The following ARHGAP24 variants were observed in gnomAD, a reference collection of about 807,000 sequenced individuals.
ARHGAP24 encodes the protein rho GTPase-activating protein 24.
In ARHGAP24, 50 loss-of-function variants were observed where a neutral mutation model predicts 76.4. The ratio of observed to expected loss-of-function variants is 0.65; its 90% CI spans 0.52 to 0.83. ARHGAP24 has a LOEUF of 0.83. ARHGAP24 is among the 40% of genes least tolerant of loss of function. The pLI, the probability that ARHGAP24 is intolerant of heterozygous loss-of-function variation, is 0.00. For missense variants in ARHGAP24, 930 were observed against 914.2 expected (o/e 1.02, Z -0.22); for synonymous variants, 345 against 323.3 (o/e 1.07, Z -0.72).
intron 1 of ARHGAP24, among the ~76,000 whole-genome samples, chr4:85,564,029 G>A (rs1269786399): frequency 6.6e-6 from 1 of 152,056 alleles, no homozygotes; most frequent in Non-Finnish European, 1.5e-5. Flanking sequence ...TTTAATAATA[G>A]CACAATCAGG....
intron 1 of ARHGAP24, among the ~76,000 whole-genome samples, chr4:85,495,001 G>T (rs1330407651): frequency 6.6e-6 from 1 of 150,474 alleles, no homozygotes; most frequent in Non-Finnish European, 1.5e-5. Context: ...GAGAGGCTGA[G>T]GTAGAATGGC....
At chr4:85,779,783 T>C (rs996014073) in intron 3 of ARHGAP24, among the ~76,000 whole-genome samples, 1 of 152,080 alleles carries the variant, frequency 6.6e-6, no homozygotes, top group Admixed American at 6.6e-5. Context: ...ACCCTAGCAT[T>C]CCAGGTGTCA....
intron 3 of ARHGAP24, among the ~76,000 whole-genome samples, chr4:85,737,533 T>G (rs545660978): frequency 1.3e-5 from 2 of 152,320 alleles, no homozygotes; most frequent in Non-Finnish European, 2.9e-5. Flanking sequence ...TGGCTCAGTA[T>G]GTTAATCGTG....
intron 1 of ARHGAP24, among the ~76,000 whole-genome samples, chr4:85,496,506 T>G (rs958495020): frequency 5.9e-5 from 9 of 152,234 alleles, no homozygotes; most frequent in Admixed American, 4.6e-4. Context: ...CTCTGACTTT[T>G]GAGAAGATTT....
intron 3 of ARHGAP24, among the ~76,000 whole-genome samples, chr4:85,786,847 C>T (rs1727867598): frequency 6.6e-6 from 1 of 152,176 alleles, no homozygotes; most frequent in South Asian, 2.1e-4. Flanking sequence ...GTTTTTCAGC[C>T]CAGAGAAGTT....
intron 1 of ARHGAP24, among the ~76,000 whole-genome samples, chr4:85,504,643 A>G (rs544019609): frequency 9.8e-5 from 15 of 152,308 alleles, no homozygotes; most frequent in East Asian, 9.7e-4. Context: ...TCCTGAATAC[A>G]GCACACTGAT....
In ARHGAP24 at chr4:85,531,175, C is replaced by T. The variant is rs183092111; in HGVS notation, c.-20-39347C>T. Among the ~76,000 whole-genome samples, 319 of 152,020 alleles carry T rather than the reference C, an allele frequency of 2.1e-3. 1 individual carries two copies. The highest frequency in any genetic ancestry group is 3.7e-3 in the Non-Finnish European group (254 of 67,892). On this transcript the variant is annotated intron_variant, in intron 1 of 9. Coordinates refer to ENST00000395184, the MANE Select transcript of ARHGAP24 (RefSeq NM_001025616.3). ...CCTGATCTACAGGGTCATGAATATACGACCAAGAGAGAAAATAAAAATGAA... is the reference window on the plus strand; with the variant it reads ...CCTGATCTACAGGGTCATGAATATATGACCAAGAGAGAAAATAAAAATGAA...
In ARHGAP24 at chr4:85,805,197, C is replaced by T. The variant is rs536383487; in HGVS notation, c.268+83225C>T. ...AACTGTGCTAGAATGCCTTCATTACCGATTATTCCTTTCAATATTGATGAC... is the reference window on the plus strand; with the variant it reads ...AACTGTGCTAGAATGCCTTCATTACTGATTATTCCTTTCAATATTGATGAC... On this transcript the variant is annotated intron_variant, in intron 3 of 9. Coordinates refer to ENST00000395184, the MANE Select transcript of ARHGAP24 (RefSeq NM_001025616.3). Among the ~76,000 whole-genome samples the T allele has an allele frequency of 3.3e-5, 5 of 152,184 alleles. No individual in the cohort carries two copies. In the South Asian group the frequency reaches 6.2e-4, roughly 19 times the overall value.
intron 3 of ARHGAP24, among the ~76,000 whole-genome samples, chr4:85,917,228 C>A (rs1181093214): frequency 1.3e-5 from 2 of 152,080 alleles, no homozygotes; most frequent in African/African-American, 2.4e-5. Context: ...CATGTCCCTA[C>A]AAAGGACATG....
At chr4:85,777,246 T>G (rs1727341470) in intron 3 of ARHGAP24, among the ~76,000 whole-genome samples, 1 of 152,214 alleles carries the variant, frequency 6.6e-6, no homozygotes, top group African/African-American at 2.4e-5. Flanking sequence ...TTATAATTAT[T>G]TGGTCATAAG....
chr4:85,581,861 G>A (rs1235519074), intron 2 of ARHGAP24, among the ~76,000 whole-genome samples: 1 of 151,874 alleles, frequency 6.6e-6, no homozygotes, highest in Non-Finnish European at 1.5e-5. Context: ...TAAGCCAAAG[G>A]TACTTTTGGG....
rs372760866 is a variant in ARHGAP24, at chr4:86,001,306, A to T, written c.*584A>T. ...AAATAGTTTTATAAAATACAGTCGA[A>T]TCACCAGGAACCTTTGAGCTGCTTT... On this transcript the variant is annotated 3_prime_UTR_variant, in exon 10 of 10. Transcript: ENST00000395184. 7.5e-5 allele frequency: 30 copies of T among 399,044 alleles called. 1 individual carries two copies. The South Asian group carries it at 3.7e-3, about 49-fold the overall frequency. 24.7% of individuals were successfully genotyped at this position (399,044 alleles called of 1,614,324 possible). A position where few individuals can be genotyped will look rare whatever the true frequency, so the allele number is the denominator to read the frequency against.
At chr4:85,686,541 A>T (rs1344692782) in intron 2 of ARHGAP24, 2 of 152,122 alleles carry the variant, frequency 1.3e-5, no homozygotes, top group Non-Finnish European at 2.9e-5. Context: ...AATTCTGGAG[A>T]GGTATATATA....
intron 2 of ARHGAP24, among the ~76,000 whole-genome samples, chr4:85,620,232 T>C (rs546081914): frequency 6.6e-6 from 1 of 152,120 alleles, no homozygotes; most frequent in Admixed American, 6.6e-5. Flanking sequence ...GGATTGGTAT[T>C]AGTTTTTCTT....
At chr4:85,721,691 C>T (rs1461709724) in intron 2 of ARHGAP24, among the ~76,000 whole-genome samples, 194 bp from the exon 3 acceptor site, 3 of 152,132 alleles carry the variant, frequency 2.0e-5, no homozygotes, top group African/African-American at 7.2e-5. Context: ...ATTAGATGCT[C>T]AACAAGTATT....
intron 2 of ARHGAP24, among the ~76,000 whole-genome samples, chr4:85,661,596 C>G (rs1378463709): frequency 6.6e-6 from 1 of 151,862 alleles, no homozygotes; most frequent in Non-Finnish European, 1.5e-5. Flanking sequence ...ATACATGTGC[C>G]ATGCTGGTGT....
At chr4:85,980,411 G>C (rs1739588159) in intron 8 of ARHGAP24, among the ~76,000 whole-genome samples, 1 of 152,062 alleles carries the variant, frequency 6.6e-6, no homozygotes, top group African/African-American at 2.4e-5. Flanking sequence ...GGTTTGCAAA[G>C]ACACTGAGGA....
At chr4:85,962,770 A>G (rs1388533759) in intron 5 of ARHGAP24, among the ~76,000 whole-genome samples, 1 of 151,432 alleles carries the variant, frequency 6.6e-6, no homozygotes, top group Non-Finnish European at 1.5e-5. Context: ...TAGAATGCCC[A>G]TGTTTATTAA....
At chr4:85,632,684 A>C (rs1206569397) in intron 2 of ARHGAP24, among the ~76,000 whole-genome samples, 2 of 152,028 alleles carry the variant, frequency 1.3e-5, no homozygotes, top group Non-Finnish European at 2.9e-5. Flanking sequence ...AATTAATAAC[A>C]AATTAATGTC....
Sources: allele counts gnomAD v4.1 joint callset (sites outside exome capture counted in the v4.1 genomes callset), GRCh38; gene constraint gnomAD v4.1.1; transcripts MANE v1.5; gene names NCBI Gene and HGNC (gene_info 2026-07-23, HGNC 2026-07-21).